Variants in GOLT1B observed in about 807,000 individuals in gnomAD.
GOLT1B encodes golgi transport 1B.
A neutral mutation model predicts 15.4 loss-of-function variants in GOLT1B; 3 were observed. The ratio of observed to expected loss-of-function variants is 0.19; its 90% CI spans 0.09 to 0.50. The LOEUF is 0.50. Among genes scored for constraint, GOLT1B ranks in the 20% least tolerant of loss-of-function variants. GOLT1B has a pLI of 0.97. For missense variants in GOLT1B, 145 were observed against 160.4 expected (o/e 0.90, Z 0.52); for synonymous variants, 65 against 56.2 (o/e 1.16, Z -0.70).
chr12:21,508,066 C>T (rs998415609), intron 2 of GOLT1B: 1 of 405,784 alleles, frequency 2.5e-6, no homozygotes, highest in South Asian at 1.9e-5. Flanking sequence ...CCTTCCTCAT[C>T]CAGCTAAAAC....
intron 3 of GOLT1B, among the ~76,000 whole-genome samples, chr12:21,509,331 G>A (rs1235442934): frequency 8.8e-5 from 13 of 148,290 alleles, no homozygotes; most frequent in Admixed American, 5.4e-4. Context: ...CCTGGGAGGC[G>A]GAAGTTGCAG....
intron 4 of GOLT1B, among the ~76,000 whole-genome samples, chr12:21,513,070 CAAAAAA>C (rs58392364): frequency 1.7e-4 from 19 of 110,388 alleles, no homozygotes; most frequent in East Asian, 2.8e-4. Flanking sequence ...GACCCTGTCT[CAAAAAA>C]AAAAAAAAAA....
chr12:21,512,013 C>A lies in GOLT1B; in HGVS notation c.297-282C>A, dbSNP rs373635776. On this transcript the variant is annotated intron_variant, in intron 3 of 4. Transcript: ENST00000229314. Reference sequence around the variant, plus strand: ...GTTCTACACATATGGTCTCAACAGCCCCTTTCTTTTTATCAGTTTCACCCC... The same window carrying A: ...GTTCTACACATATGGTCTCAACAGCACCTTTCTTTTTATCAGTTTCACCCC... Among the ~76,000 whole-genome samples the A allele has an allele frequency of 2.6e-5, 4 of 152,104 alleles. No homozygotes were observed. In the East Asian group the frequency reaches 7.7e-4, roughly 29 times the overall value.
At chr12:21,507,667 C>T (rs553710643) in intron 2 of GOLT1B, among the ~76,000 whole-genome samples, 7 of 151,950 alleles carry the variant, frequency 4.6e-5, no homozygotes, top group Non-Finnish European at 8.8e-5. Context: ...TGAAGCTTAA[C>T]CATTAGGCTT....
At chr12:21,511,635 A>C (rs1460990910) in intron 3 of GOLT1B, among the ~76,000 whole-genome samples, 2 of 152,222 alleles carry the variant, frequency 1.3e-5, no homozygotes, top group East Asian at 3.8e-4. Flanking sequence ...AAAAGACATC[A>C]CCTTGTAGAG....
intron 1 of GOLT1B, among the ~76,000 whole-genome samples, chr12:21,504,267 C>G (rs557109653): frequency 6.6e-6 from 1 of 151,984 alleles, no homozygotes; most frequent in South Asian, 2.1e-4. Context: ...GATATGATTC[C>G]GATGGGAAGA....
chr12:21,502,332 G>T (rs1038672715), intron 1 of GOLT1B, among the ~76,000 whole-genome samples: 3 of 152,206 alleles, frequency 2.0e-5, no homozygotes, highest in Admixed American at 6.5e-5. Context: ...TCGTTTATGC[G>T]CATGACACAC....
intron 4 of GOLT1B, among the ~76,000 whole-genome samples, chr12:21,512,735 A>G (rs187771833): frequency 2.6e-5 from 4 of 152,302 alleles, no homozygotes; most frequent in African/African-American, 7.2e-5. Context: ...ATTTCCTACA[A>G]ATATTTTGTT....
At chr12:21,502,443 A>G (rs950547853) in intron 1 of GOLT1B, among the ~76,000 whole-genome samples, 1 of 152,190 alleles carries the variant, frequency 6.6e-6, no homozygotes, top group African/African-American at 2.4e-5. Flanking sequence ...TTACGCTTAA[A>G]TGTGGCATTT....
In GOLT1B at chr12:21,501,823, C is replaced by A. The variant is rs1330461811; in HGVS notation, c.-101C>A. On this transcript the variant is annotated 5_prime_UTR_variant, in exon 1 of 5. Transcript: ENST00000229314. ...GGCTGCGTGTTTCCGGAAGACGTGG[C>A]GGCTCTCGCCTGGGCTGTTTCCCGG... 7 of 805,942 alleles carry A rather than the reference C, an allele frequency of 8.7e-6. No homozygotes were observed. The highest frequency in any genetic ancestry group is 4.3e-5 in the South Asian group (3 of 69,152). 49.9% of individuals were successfully genotyped at this position (805,942 alleles called of 1,614,324 possible).
In GOLT1B at chr12:21,512,296, G is replaced by A; in HGVS notation, c.298G>A (p.Gly100Ser). 1 of 1,515,308 alleles carries A rather than the reference G, an allele frequency of 6.6e-7. No individual in the cohort carries two copies. Among genetic ancestry groups the A allele is most frequent in the Admixed American group, 1.7e-5 (1 of 58,930 alleles). The allele number at this position is 1,515,308 out of a possible 1,614,324, so 93.9% of individuals were successfully genotyped here. The change falls in exon 4 of 5, where the codon GGC (glycine) becomes AGC (serine). Residue 100 changes from glycine (G) to serine (S), a missense_variant and splice_region_variant. Physicochemically the swap from Gly to Ser is moderately conservative, Grantham distance 56. Transcript: ENST00000229314. The stretch of plus-strand genomic sequence containing the variant: ...GAACCTTTTTTTTCCCTCTCCCAGG[G>A]GCTTCTTTCCTGTCGTTGTTGGCTT... ...EIYGFFLLFR[G>S]FFPVVVGFIR...
intron 4 of GOLT1B, chr12:21,515,263 C>CA: frequency 1.4e-6 from 2 of 1,439,808 alleles, no homozygotes; most frequent in Non-Finnish European, 1.9e-6. Flanking sequence ...AAGAGATCCA[C>CA]AGTAATGGTC....
intron 1 of GOLT1B, among the ~76,000 whole-genome samples, chr12:21,506,321 A>C (rs1396382225): frequency 6.6e-6 from 1 of 152,032 alleles, no homozygotes; most frequent in East Asian, 1.9e-4. Context: ...TGGTTTTGAG[A>C]ATACTGGTAC....
intron 1 of GOLT1B, among the ~76,000 whole-genome samples, chr12:21,503,942 A>G (rs1165918214): frequency 6.6e-6 from 1 of 152,248 alleles, no homozygotes; most frequent in African/African-American, 2.4e-5. Flanking sequence ...TCATTTCATC[A>G]CATTGTCTAA....
At chr12:21,512,822 T>C (rs113679773) in intron 4 of GOLT1B, among the ~76,000 whole-genome samples, 57 of 152,206 alleles carry the variant, frequency 3.7e-4, no homozygotes, top group African/African-American at 1.3e-3. Context: ...CCCTGCACTT[T>C]GGGAGGCTGA....
intron 2 of GOLT1B, 197 bp downstream of exon 2, chr12:21,507,173 C>A: frequency 1.7e-6 from 1 of 595,090 alleles, no homozygotes; most frequent in South Asian, 1.7e-5. Flanking sequence ...ATGAGGTTTT[C>A]TAATTCCATA....
At position 21,511,700 on chromosome 12, in the gene GOLT1B, T is replaced by C. The variant is rs80107937; in HGVS notation, c.297-595T>C. On this transcript the variant is annotated intron_variant, in intron 3 of 4. Transcript: ENST00000229314. ...AGAAAATGAGGTCAAAGACCAAATA[T>C]ATATTTCACAGTATCACTACATATT... Among the ~76,000 whole-genome samples, 450 of 152,346 alleles carry C rather than the reference T, an allele frequency of 3.0e-3. 4 individuals carry two copies. The highest frequency in any genetic ancestry group is 9.8e-3 in the African/African-American group (406 of 41,590).
chr12:21,501,992 C>T, intron 1 of GOLT1B, 44 bp downstream of exon 1: 1 of 1,459,810 alleles, frequency 6.9e-7, no homozygotes, highest in Non-Finnish European at 9.6e-7. Flanking sequence ...CGCGCACACC[C>T]ATCGCCCGGC....
Position 21,506,876 on chromosome 12 carries a change from A to G in GOLT1B, c.26-9A>G, listed in dbSNP as rs1196961346. 2.5e-6 allele frequency: 3 copies of G among 1,185,174 alleles called. No individual in the cohort carries two copies. 73.4% of individuals were successfully genotyped at this position (1,185,174 alleles called of 1,614,324 possible). Reference sequence around the variant, plus strand: ...TTCTCTACCCTTAACCATATACCTTATATTGCAGAAATTGGAATGGGATTA... The same window carrying G: ...TTCTCTACCCTTAACCATATACCTTGTATTGCAGAAATTGGAATGGGATTA... On this transcript the variant is annotated splice_polypyrimidine_tract_variant and intron_variant, in intron 1 of 4. Coordinates refer to ENST00000229314, the MANE Select transcript of GOLT1B (RefSeq NM_016072.5).
Sources: allele counts gnomAD v4.1 joint callset (sites outside exome capture counted in the v4.1 genomes callset), GRCh38; gene constraint gnomAD v4.1.1; transcripts MANE v1.5; gene names NCBI Gene and HGNC (gene_info 2026-07-23, HGNC 2026-07-21).